ACSM1: variants seen among roughly 807,000 people sequenced by gnomAD.
ACSM1 encodes acyl-coenzyme A synthetase ACSM1, mitochondrial.
Under a neutral mutation model 75.8 loss-of-function variants are expected in ACSM1, and 79 were observed. The ratio of observed to expected loss-of-function variants is 1.04; its 90% CI spans 0.87 to 1.26. The LOEUF (loss-of-function observed/expected upper bound fraction) is 1.26, where lower values mean the gene tolerates loss of function less well. ACSM1 is among the 50% of genes most tolerant of loss of function. The pLI is 0.00. For synonymous variants in ACSM1, 279 were observed against 265.8 expected (o/e 1.05, Z -0.48); for missense variants, 676 against 720.1 (o/e 0.94, Z 0.70).
chr16:20,674,927 G>A (rs988386859), intron 4 of ACSM1: 1 of 152,238 alleles, frequency 6.6e-6, no homozygotes, highest in African/African-American at 2.4e-5. Flanking sequence ...AGTGGCTGGG[G>A]GTGGCAGGAG....
At chr16:20,631,895 C>T (rs2017369163) in intron 10 of ACSM1, among the ~76,000 whole-genome samples, 1 of 152,076 alleles carries the variant, frequency 6.6e-6, no homozygotes, top group African/African-American at 2.4e-5. Flanking sequence ...GGTTAAAAGA[C>T]CACACTGTTC....
chr16:20,697,453 T>A (rs2079695615), intron 1 of ACSM1, among the ~76,000 whole-genome samples, 183 bp downstream of exon 1: 1 of 151,976 alleles, frequency 6.6e-6, no homozygotes, highest in Non-Finnish European at 1.5e-5. Context: ...TCACCCAATA[T>A]CACCATTGTC....
chr16:20,685,670 A>C (rs1284249150), intron 2 of ACSM1, among the ~76,000 whole-genome samples: 1 of 151,828 alleles, frequency 6.6e-6, no homozygotes, highest in Non-Finnish European at 1.5e-5. Flanking sequence ...AAATTTAAAA[A>C]TTAGCTGGGC....
At position 20,682,402 on chromosome 16, in the gene ACSM1, C is replaced by G; in HGVS notation, c.465G>C (p.Gln155His). 2 of 1,614,030 alleles carry G rather than the reference C, an allele frequency of 1.2e-6. No homozygotes were observed. Among genetic ancestry groups the G allele is most frequent in the Non-Finnish European group, 1.7e-6 (2 of 1,179,936 alleles). ...TCACAATGCCCTTGGCTTTAGACAA[C>G]TGTAGTCGATAGAGAATGTCTTTGG... ...LKAKDILYRL[Q>H]LSKAKGIVTI... Residue 155 changes from glutamine (Q) to histidine (H), a missense_variant, in exon 4 of 14, where the codon CAG becomes CAC. Coordinates refer to ENST00000520010, the MANE Select transcript of ACSM1 (RefSeq NM_001318890.3).
intron 1 of ACSM1, among the ~76,000 whole-genome samples, chr16:20,694,618 G>A (rs2079679953): frequency 6.6e-6 from 1 of 152,154 alleles, no homozygotes; most frequent in Non-Finnish European, 1.5e-5. Flanking sequence ...CCTGAAGACA[G>A]TCCAAACAAC....
intron 7 of ACSM1, among the ~76,000 whole-genome samples, chr16:20,659,750 T>A (rs557718308): frequency 6.6e-6 from 1 of 152,296 alleles, no homozygotes; most frequent in South Asian, 2.1e-4. Flanking sequence ...TTAAGTCCGA[T>A]AAGACACATT....
chr16:20,671,985 G>A (rs536869507), intron 4 of ACSM1, among the ~76,000 whole-genome samples: 1 of 152,098 alleles, frequency 6.6e-6, no homozygotes, highest in Non-Finnish European at 1.5e-5. Context: ...AATAGCACTT[G>A]CTATGTTCCA....
chr16:20,668,033 G>A (rs557413885), intron 6 of ACSM1, among the ~76,000 whole-genome samples: 2 of 152,224 alleles, frequency 1.3e-5, no homozygotes, highest in African/African-American at 4.8e-5. Context: ...ACAGGGAGGG[G>A]GTCGTGGGCT....
chr16:20,694,474 C>G (rs2079679281), intron 1 of ACSM1, among the ~76,000 whole-genome samples: 1 of 152,230 alleles, frequency 6.6e-6, no homozygotes, highest in Admixed American at 6.5e-5. Context: ...ACCTCTGTTA[C>G]ATTTTCCAAC....
chr16:20,636,129 A>G (rs947004827), intron 10 of ACSM1, among the ~76,000 whole-genome samples: 4 of 152,184 alleles, frequency 2.6e-5, no homozygotes, highest in African/African-American at 7.2e-5. Context: ...GAAGTCTGAA[A>G]TCAATTTCAG....
In ACSM1 at chr16:20,623,528, A is replaced by C. The variant is rs763711246; in HGVS notation, c.1692T>G (p.Ile564Met). Residue 564 changes from isoleucine (I) to methionine (M), a missense_variant, in exon 14 of 14, where the codon ATT becomes ATG. Coordinates refer to ENST00000520010, the MANE Select transcript of ACSM1 (RefSeq NM_001318890.3). ...SELPKTITGKIERKELRKKET... is the reference protein window; with the variant it reads ...SELPKTITGKMERKELRKKET... ...CCTTTTTCCGAAGTTCCTTCCGTTC[A>C]ATCTTGCCAGTGATGGTTTTTGGCA... 7 of 1,614,030 alleles carry C rather than the reference A, an allele frequency of 4.3e-6. No homozygotes were observed. The highest frequency in any genetic ancestry group is 5.9e-6 in the Non-Finnish European group (7 of 1,180,014).
At chr16:20,632,156 G>A (rs144234194) in intron 10 of ACSM1, among the ~76,000 whole-genome samples, 11 of 152,166 alleles carry the variant, frequency 7.2e-5, no homozygotes, top group African/African-American at 1.2e-4. Context: ...ATCTCAAGCC[G>A]AAAACCTTAC....
chr16:20,675,871 C>T (rs545953724), intron 4 of ACSM1, among the ~76,000 whole-genome samples: 15 of 152,200 alleles, frequency 9.9e-5, no homozygotes, highest in Admixed American at 2.0e-4. Context: ...CTGGCGGCTA[C>T]GGAGTTAAAG....
intron 10 of ACSM1, among the ~76,000 whole-genome samples, chr16:20,632,591 T>C (rs574309109): frequency 2.0e-5 from 3 of 152,354 alleles, no homozygotes. Context: ...GCTTCACTGA[T>C]GAGTTCTGAC....
In ACSM1 at chr16:20,625,767, T is replaced by C. The variant is rs371612647; in HGVS notation, c.1428-245A>G. 6.6e-5 allele frequency among the ~76,000 whole-genome samples: 10 copies of C among 152,244 alleles called. No homozygotes were observed. The East Asian group carries it at 1.5e-3, about 23-fold the overall frequency. On this transcript the variant is annotated intron_variant, in intron 11 of 13. Coordinates refer to ENST00000520010, the MANE Select transcript of ACSM1 (RefSeq NM_001318890.3). ...GCCTGTACTGATGGAGGACGGCTAATGTTTTGTCTCCTCAGAGCTTGGCCC... is the reference window on the plus strand; with the variant it reads ...GCCTGTACTGATGGAGGACGGCTAACGTTTTGTCTCCTCAGAGCTTGGCCC...
At chr16:20,695,620 C>A (rs915067970) in intron 1 of ACSM1, among the ~76,000 whole-genome samples, 7 of 151,872 alleles carry the variant, frequency 4.6e-5, no homozygotes, top group Non-Finnish European at 8.8e-5. Context: ...TATCTATTAC[C>A]TATCTATTAT....
intron 6 of ACSM1, among the ~76,000 whole-genome samples, chr16:20,662,880 G>A (rs2019369854): frequency 6.6e-6 from 1 of 152,066 alleles, no homozygotes; most frequent in South Asian, 2.1e-4. Context: ...AAAGTCTCAG[G>A]CCCACTCCAG....
At chr16:20,696,374 T>C (rs1381613503) in intron 1 of ACSM1, among the ~76,000 whole-genome samples, 2 of 152,238 alleles carry the variant, frequency 1.3e-5, no homozygotes, top group Non-Finnish European at 2.9e-5. Context: ...TGTCTATTTC[T>C]CACCGTGCTG....
intron 1 of ACSM1, among the ~76,000 whole-genome samples, chr16:20,691,754 T>C (rs1442090346): frequency 0.039 from 526 of 13,578 alleles, 6 homozygotes; most frequent in South Asian, 0.11. Flanking sequence ...CTCTCCAATG[T>C]GTGTGTGTGT....
Sources: allele counts gnomAD v4.1 joint callset (sites outside exome capture counted in the v4.1 genomes callset), GRCh38; gene constraint gnomAD v4.1.1; transcripts MANE v1.5; gene names NCBI Gene and HGNC (gene_info 2026-07-23, HGNC 2026-07-21).